SLCO6A1: variants seen among roughly 807,000 people sequenced by gnomAD.
SLCO6A1 encodes the protein cancer/testis antigen 48.
A neutral mutation model predicts 72.7 loss-of-function variants in SLCO6A1; 65 were observed. That is an observed-to-expected ratio of 0.89 (90% CI 0.73 to 1.10). The LOEUF is 1.10. Ranked by LOEUF, SLCO6A1 falls within the 50% of genes least tolerant of loss-of-function variation. The pLI is 0.00. For missense variants in SLCO6A1, 874 were observed against 872.6 expected, an observed-to-expected ratio of 1.00 and a Z score of -0.02; for synonymous variants, 314 against 298.2, an observed-to-expected ratio of 1.05 and a Z score of -0.55.
Position 102,498,628 on chromosome 5 carries a change from A to G in SLCO6A1, c.217T>C (p.Ser73Pro), listed in dbSNP as rs1343687954. Residue 73 changes from serine to proline, a missense_variant, in exon 1 of 14, where the codon TCA becomes CCA. Physicochemically the swap from Ser to Pro is moderately conservative, Grantham distance 74. Coordinates refer to ENST00000506729, the MANE Select transcript of SLCO6A1 (RefSeq NM_173488.5). ...GFRKRKKAKS[S>P]VSKKPGEVDD... is the part of the protein sequence containing the mutation. ...ACTTCTCCCGGCTTCTTGGAAACTG[A>G]GGACTTGGCTTTTTTCCTTTTTCGG... The G allele has an allele frequency of 2.5e-6, 4 of 1,614,210 alleles. No individual in the cohort carries two copies. The African/African-American group carries it at 5.3e-5, about 22-fold the overall frequency.
At chr5:102,458,089 A>C (rs1399514138) in intron 6 of SLCO6A1, among the ~76,000 whole-genome samples, 1 of 148,626 alleles carries the variant, frequency 6.7e-6, no homozygotes, top group Non-Finnish European at 1.5e-5. Context: ...CATCACACAC[A>C]GGGGCCTGTT....
chr5:102,451,069 C>G (rs1750388794), intron 6 of SLCO6A1, among the ~76,000 whole-genome samples: 1 of 152,154 alleles, frequency 6.6e-6, no homozygotes, highest in South Asian at 2.1e-4. Context: ...TGGAGAGGCC[C>G]TGCCCAGTGA....
chr5:102,427,864 AT>A (rs1200200259), intron 7 of SLCO6A1, among the ~76,000 whole-genome samples: 2,114 of 75,988 alleles, frequency 0.028, 15 homozygotes, highest in East Asian at 0.056. Flanking sequence ...ATATATATAT[AT>A]TTTTTTTTTT....
rs533390321 is a variant in SLCO6A1, at chr5:102,493,135, TAAG to T, written c.358+5349_358+5351del. ...TTTCAGAAAAAATGAGGAGGAAAGA[TAAG>T]AAGGGGAAAAACATCCCAATTAATT... is the stretch of plus-strand genomic sequence containing the variant. On this transcript the variant is annotated intron_variant, in intron 1 of 13. Transcript: ENST00000506729. Among the ~76,000 whole-genome samples the T allele has an allele frequency of 2.1e-3, 317 of 150,772 alleles. 3 individuals are homozygous for T. The highest frequency in any genetic ancestry group is 7.4e-3 in the African/African-American group (301 of 40,892).
intron 6 of SLCO6A1, among the ~76,000 whole-genome samples, chr5:102,457,859 C>T (rs1400803961): frequency 6.6e-6 from 1 of 152,110 alleles, no homozygotes; most frequent in Non-Finnish European, 1.5e-5. Flanking sequence ...ACCAAAATGT[C>T]CAACAATGAT....
chr5:102,491,759 G>A (rs1482461915), intron 1 of SLCO6A1, among the ~76,000 whole-genome samples: 7 of 152,230 alleles, frequency 4.6e-5, no homozygotes, highest in Non-Finnish European at 8.8e-5. Context: ...TGAGGGAGCC[G>A]GCTCCGGCCT....
chr5:102,470,094 T>C (rs1300355028), intron 4 of SLCO6A1, among the ~76,000 whole-genome samples: 1 of 152,198 alleles, frequency 6.6e-6, no homozygotes, highest in Non-Finnish European at 1.5e-5. Context: ...TCGATGTTCA[T>C]CAGGGATATT....
intron 12 of SLCO6A1, among the ~76,000 whole-genome samples, chr5:102,375,835 G>A (rs932826376): frequency 1.3e-5 from 2 of 151,988 alleles, no homozygotes; most frequent in African/African-American, 2.4e-5. Flanking sequence ...GCCCCAGAAG[G>A]AGAGAGTAGG....
chr5:102,480,938 G>A (rs189519447), intron 1 of SLCO6A1, among the ~76,000 whole-genome samples: 4 of 151,508 alleles, frequency 2.6e-5, no homozygotes, highest in East Asian at 3.9e-4. Flanking sequence ...CAATACATAT[G>A]TCCTTAGACA....
intron 4 of SLCO6A1, among the ~76,000 whole-genome samples, chr5:102,469,937 T>A (rs1241703670): frequency 6.6e-6 from 1 of 152,164 alleles, no homozygotes; most frequent in Non-Finnish European, 1.5e-5. Context: ...TTGTCGTTGG[T>A]TCTGTTTATG....
At chr5:102,401,160 T>G (rs2112553823) in intron 9 of SLCO6A1, among the ~76,000 whole-genome samples, 1 of 152,070 alleles carries the variant, frequency 6.6e-6, no homozygotes, top group Admixed American at 6.6e-5. Context: ...GTGGACCACA[T>G]GGTTATCTAA....
chr5:102,420,778 T>A (rs931055132), intron 7 of SLCO6A1, among the ~76,000 whole-genome samples: 1 of 152,154 alleles, frequency 6.6e-6, no homozygotes, highest in Non-Finnish European at 1.5e-5. Context: ...ATTAAATTTA[T>A]AGAAGTGCCT....
At chr5:102,452,460 T>C (rs1750468706) in intron 6 of SLCO6A1, among the ~76,000 whole-genome samples, 1 of 152,192 alleles carries the variant, frequency 6.6e-6, no homozygotes, top group South Asian at 2.1e-4. Flanking sequence ...GTTCTAAAAG[T>C]CTAATTCCAA....
At chr5:102,442,907 C>A (rs1182005687) in intron 6 of SLCO6A1, among the ~76,000 whole-genome samples, 1 of 151,976 alleles carries the variant, frequency 6.6e-6, no homozygotes, top group Non-Finnish European at 1.5e-5. Context: ...ACTAAAAATA[C>A]AAAAATTAGG....
chr5:102,386,227 C>A (rs887963088), intron 12 of SLCO6A1, among the ~76,000 whole-genome samples: 2 of 152,098 alleles, frequency 1.3e-5, no homozygotes. Context: ...ATCCTGTGTT[C>A]ACCTTGGCTA....
At chr5:102,429,484 G>A (rs1430028602) in intron 7 of SLCO6A1, among the ~76,000 whole-genome samples, 1 of 152,086 alleles carries the variant, frequency 6.6e-6, no homozygotes, top group African/African-American at 2.4e-5. Flanking sequence ...TTTTGTATAT[G>A]GTATAAAGAG....
intron 9 of SLCO6A1, among the ~76,000 whole-genome samples, chr5:102,411,961 T>C (rs1748009305): frequency 6.6e-6 from 1 of 152,132 alleles, no homozygotes; most frequent in Admixed American, 6.5e-5. Context: ...ATAGGAAATA[T>C]TTGTCATCTG....
At chr5:102,436,825 A>G (rs1357817817) in intron 7 of SLCO6A1, among the ~76,000 whole-genome samples, 1 of 152,218 alleles carries the variant, frequency 6.6e-6, no homozygotes, top group African/African-American at 2.4e-5. Context: ...CCTAACTTAC[A>G]GCAATCTTTT....
intron 4 of SLCO6A1, among the ~76,000 whole-genome samples, chr5:102,468,660 C>T (rs888384251): frequency 6.6e-6 from 1 of 151,992 alleles, no homozygotes; most frequent in Admixed American, 6.6e-5. Flanking sequence ...CTCCTGCTCA[C>T]TTTTAGTTAC....
Sources: gnomAD v4.1 joint callset for allele counts (sites outside exome capture counted in the v4.1 genomes callset) on GRCh38, gnomAD v4.1.1 for gene constraint, MANE v1.5 for transcripts, NCBI Gene and HGNC (gene_info 2026-07-23, HGNC 2026-07-21) for gene names.